Variants in RAB27B observed in about 807,000 individuals in gnomAD.
RAB27B encodes the protein ras-related protein Rab-27B.
A neutral mutation model predicts 24.6 loss-of-function variants in RAB27B; 15 were observed. The observed-to-expected ratio is 0.61, with a 90% CI of 0.41 to 0.94. The LOEUF (loss-of-function observed/expected upper bound fraction) is 0.94, where lower values mean the gene tolerates loss of function less well. RAB27B is among the 40% of genes least tolerant of loss of function. The probability of loss-of-function intolerance (pLI) is 0.00; values close to 1 mark genes in which losing one functional copy is unlikely to be tolerated. For synonymous variants in RAB27B, 105 were observed against 92.5 expected (o/e 1.14, Z -0.78); for missense variants, 261 against 266.8 (o/e 0.98, Z 0.15).
intron 2 of RAB27B, among the ~76,000 whole-genome samples, chr18:54,784,177 GGAGAGAGGCTGCTTCCGATCCCCA>G (rs1909007197): frequency 6.6e-6 from 1 of 152,176 alleles, no homozygotes; most frequent in South Asian, 2.1e-4. Flanking sequence ...AGGGAATGAA[GGAGAGAGGCTGCTTCCGATCCCCA>G]GTTGTAGATT....
rs140847721 is a variant in RAB27B, at chr18:54,739,828, T to C, written c.-20+21687T>C. On this transcript the variant is annotated intron_variant, in intron 2 of 4. Coordinates refer to the RAB27B transcript ENST00000586570. Reference sequence around the variant, plus strand: ...AACCCTTCTAGTGGGTATGTAGTGGTATCTCACTGTGATTAATTTGCATTT... The same window carrying C: ...AACCCTTCTAGTGGGTATGTAGTGGCATCTCACTGTGATTAATTTGCATTT... Among the ~76,000 whole-genome samples, 578 of 152,356 alleles carry C rather than the reference T, an allele frequency of 3.8e-3. 6 individuals are homozygous for C. The highest frequency in any genetic ancestry group is 0.028 in the South Asian group (134 of 4,832).
intron 1 of RAB27B, among the ~76,000 whole-genome samples, chr18:54,836,613 TAAAG>T (rs931175658): frequency 6.6e-6 from 1 of 152,010 alleles, no homozygotes; most frequent in Non-Finnish European, 1.5e-5. Flanking sequence ...ACTATATGTT[TAAAG>T]AAAGATGTTC....
rs988470764 is a variant in RAB27B, at chr18:54,818,976, A to G, written c.-19-58591A>G. Among the ~76,000 whole-genome samples, 71 of 151,770 alleles carry G rather than the reference A, an allele frequency of 4.7e-4. 1 individual carries two copies. The highest frequency in any genetic ancestry group is 3.4e-3 in the Middle Eastern group (1 of 292). On this transcript the variant is annotated intron_variant, in intron 2 of 4. Transcript: ENST00000586570. ...CATATTTTATATGAAGTATGTAGGG[A>G]TTTTCTTCCAGCCACTCAACCTTCA...
chr18:54,759,240 C>A (rs1379820808), intron 2 of RAB27B, among the ~76,000 whole-genome samples: 6 of 152,140 alleles, frequency 3.9e-5, no homozygotes, highest in African/African-American at 9.6e-5. Flanking sequence ...TACATGAAGT[C>A]TTTCCTGATT....
At chr18:54,814,567 A>T (rs990337554) in intron 2 of RAB27B, among the ~76,000 whole-genome samples, 18 of 152,188 alleles carry the variant, frequency 1.2e-4, no homozygotes, top group Non-Finnish European at 2.1e-4. Context: ...TGGTTATTTT[A>T]AAAATATTTT....
chr18:54,863,807 G>C (rs982500435), intron 1 of RAB27B, among the ~76,000 whole-genome samples: 1 of 152,094 alleles, frequency 6.6e-6, no homozygotes, highest in African/African-American at 2.4e-5. Flanking sequence ...TTAACATAAT[G>C]TTTTCAAGGT....
intron 3 of RAB27B, among the ~76,000 whole-genome samples, chr18:54,883,062 G>C (rs1912991634): frequency 6.6e-6 from 1 of 152,112 alleles, no homozygotes; most frequent in South Asian, 2.1e-4. Flanking sequence ...TAGACACCAG[G>C]TGAAGGAGGA....
chr18:54,847,567 G>T (rs1483314129), intron 1 of RAB27B, among the ~76,000 whole-genome samples: 1 of 152,256 alleles, frequency 6.6e-6, no homozygotes, highest in Middle Eastern at 3.4e-3. Context: ...CCAAGTCCTT[G>T]ACTCTTTTAA....
chr18:54,809,181 T>G (rs1258456561), intron 2 of RAB27B, among the ~76,000 whole-genome samples: 1 of 152,192 alleles, frequency 6.6e-6, no homozygotes, highest in Non-Finnish European at 1.5e-5. Flanking sequence ...AGGGAATAAT[T>G]ATACTTTTTG....
At chr18:54,722,028 T>C (rs973000937) in intron 2 of RAB27B, among the ~76,000 whole-genome samples, 1 of 152,214 alleles carries the variant, frequency 6.6e-6, no homozygotes, top group African/African-American at 2.4e-5. Context: ...TAAAACGTTA[T>C]AGAATTTTGA....
intron 2 of RAB27B, among the ~76,000 whole-genome samples, chr18:54,759,506 G>C (rs936664489): frequency 3.9e-5 from 6 of 152,146 alleles, no homozygotes; most frequent in African/African-American, 1.2e-4. Flanking sequence ...GGTGTCTTGT[G>C]CCTGAGCAAT....
At chr18:54,838,803 T>A (rs1234601178) in intron 1 of RAB27B, among the ~76,000 whole-genome samples, 1 of 152,176 alleles carries the variant, frequency 6.6e-6, no homozygotes, top group South Asian at 2.1e-4. Flanking sequence ...ATTTTTTTTC[T>A]TAAGCATTTG....
intron 1 of RAB27B, among the ~76,000 whole-genome samples, chr18:54,848,654 A>G (rs1978355): frequency 0.66 from 99,673 of 152,110 alleles, 35,285 homozygotes; most frequent in East Asian, 0.92. Flanking sequence ...ATTGAAAATA[A>G]CATGATTTTA....
intron 2 of RAB27B, among the ~76,000 whole-genome samples, chr18:54,799,191 T>G (rs1457585161): frequency 1.3e-5 from 2 of 152,218 alleles, no homozygotes; most frequent in Non-Finnish European, 2.9e-5. Flanking sequence ...TTATTGATCA[T>G]GCTAGGATCA....
At chr18:54,771,945 C>T (rs1257713433) in intron 2 of RAB27B, among the ~76,000 whole-genome samples, 1 of 152,174 alleles carries the variant, frequency 6.6e-6, no homozygotes, top group African/African-American at 2.4e-5. Flanking sequence ...AAAAATATAT[C>T]ATCTCTATTA....
In RAB27B at chr18:54,801,705, C is replaced by A. The variant is rs571097370; in HGVS notation, c.-19-75862C>A. Reference sequence around the variant, plus strand: ...ATACTAGTAACACACACTCTACCACCCAGTTGTGACAACCAAAAATATAAC... The same window carrying A: ...ATACTAGTAACACACACTCTACCACACAGTTGTGACAACCAAAAATATAAC... On this transcript the variant is annotated intron_variant, in intron 2 of 4. Coordinates refer to the RAB27B transcript ENST00000586570. 5.9e-5 allele frequency among the ~76,000 whole-genome samples: 9 copies of A among 152,238 alleles called. No homozygotes were observed. In the East Asian group the frequency reaches 1.7e-3, roughly 29 times the overall value.
At chr18:54,752,362 G>T (rs925740134) in intron 2 of RAB27B, among the ~76,000 whole-genome samples, 1 of 152,162 alleles carries the variant, frequency 6.6e-6, no homozygotes, top group Non-Finnish European at 1.5e-5. Flanking sequence ...AAGATTATGA[G>T]TTAATTGCTC....
intron 1 of RAB27B, among the ~76,000 whole-genome samples, chr18:54,868,337 T>C (rs1244097047): frequency 6.6e-6 from 1 of 152,162 alleles, no homozygotes; most frequent in Non-Finnish European, 1.5e-5. Context: ...GCTCCCCTTT[T>C]GCCTTCCACT....
intron 2 of RAB27B, among the ~76,000 whole-genome samples, chr18:54,734,072 T>C (rs967409136): frequency 3.3e-5 from 5 of 152,194 alleles, no homozygotes; most frequent in Non-Finnish European, 7.3e-5. Flanking sequence ...GTTCCCTATA[T>C]ACTTACTAAA....
Sources: allele counts gnomAD v4.1 joint callset (sites outside exome capture counted in the v4.1 genomes callset), GRCh38; gene constraint gnomAD v4.1.1; transcripts MANE v1.5; gene names NCBI Gene and HGNC (gene_info 2026-07-23, HGNC 2026-07-21).